The following DCDC2 variants were observed in gnomAD, a reference collection of about 807,000 sequenced individuals.
DCDC2 encodes doublecortin domain containing 2.
DCDC2 carries 40 observed loss-of-function variants against 50.2 expected under a neutral mutation model. The observed-to-expected ratio is 0.80, with a 90% CI of 0.62 to 1.04. DCDC2 has a LOEUF of 1.04. Ranked by LOEUF, DCDC2 falls within the 50% of genes least tolerant of loss-of-function variation. The pLI is 0.00. For missense variants in DCDC2, 570 were observed against 581.9 expected (o/e 0.98, Z 0.21); for synonymous variants, 234 against 210.6 (o/e 1.11, Z -0.96).
chr6:24,183,728 C>T (rs1231780086), intron 8 of DCDC2, among the ~76,000 whole-genome samples: 1 of 152,106 alleles, frequency 6.6e-6, no homozygotes. Context: ...CTGAGAGTTC[C>T]CGGCATTCGG....
chr6:24,245,274 G>A (rs1395231111), intron 7 of DCDC2, among the ~76,000 whole-genome samples: 2 of 152,130 alleles, frequency 1.3e-5, no homozygotes, highest in Non-Finnish European at 2.9e-5. Context: ...ACTTAGGTTC[G>A]AGCGGCTGGG....
intron 2 of DCDC2, among the ~76,000 whole-genome samples, chr6:24,313,833 C>G (rs1274491655): frequency 6.6e-6 from 1 of 152,184 alleles, no homozygotes; most frequent in Non-Finnish European, 1.5e-5. Context: ...AATGTGCTGG[C>G]TTTATGATCT....
At chr6:24,292,342 G>A (rs34932860) in intron 4 of DCDC2, among the ~76,000 whole-genome samples, 26,467 of 144,740 alleles carry the variant, frequency 0.18, 2,247 homozygotes, top group African/African-American at 0.21. Context: ...ATTTACAGAC[G>A]CAAAAAAAAA....
At chr6:24,339,797 G>A (rs957409127) in intron 2 of DCDC2, among the ~76,000 whole-genome samples, 2 of 152,176 alleles carry the variant, frequency 1.3e-5, no homozygotes, top group South Asian at 2.1e-4. Context: ...ATCTAACCAA[G>A]ATTGTCTATG....
chr6:24,334,014 T>C (rs1001885346), intron 2 of DCDC2, among the ~76,000 whole-genome samples: 19 of 152,184 alleles, frequency 1.2e-4, no homozygotes, highest in Admixed American at 7.9e-4. Flanking sequence ...AAGTCAGGTA[T>C]AGAGCAGGGA....
At chr6:24,327,855 A>G (rs1007053253) in intron 2 of DCDC2, among the ~76,000 whole-genome samples, 1 of 152,184 alleles carries the variant, frequency 6.6e-6, no homozygotes, top group Non-Finnish European at 1.5e-5. Context: ...AATTTCTAAA[A>G]GCCTCTCAAA....
chr6:24,236,361 G>T (rs1438169094), intron 7 of DCDC2, among the ~76,000 whole-genome samples: 1 of 152,092 alleles, frequency 6.6e-6, no homozygotes, highest in African/African-American at 2.4e-5. Flanking sequence ...CATGGTGCTG[G>T]GAAAGCTGGC....
chr6:24,342,378 T>A (rs571663201), intron 2 of DCDC2, among the ~76,000 whole-genome samples: 1 of 152,304 alleles, frequency 6.6e-6, no homozygotes, highest in Non-Finnish European at 1.5e-5. Context: ...ATGGAAGAAC[T>A]CTCTGAAACA....
chr6:24,375,694 T>C, the DCDC2 span, among the ~76,000 whole-genome samples: 1 of 152,204 alleles, frequency 6.6e-6, no homozygotes, highest in Non-Finnish European at 1.5e-5. Flanking sequence ...GTCATAGCAC[T>C]CATCACTCTA....
At chr6:24,373,429 A>T in the DCDC2 span, among the ~76,000 whole-genome samples, 1 of 152,268 alleles carries the variant, frequency 6.6e-6, no homozygotes, top group South Asian at 2.1e-4. Flanking sequence ...GCATGCGTCA[A>T]CATGGAAGAC....
At chr6:24,311,073 A>C (rs1759562903) in intron 2 of DCDC2, among the ~76,000 whole-genome samples, 1 of 152,132 alleles carries the variant, frequency 6.6e-6, no homozygotes, top group Non-Finnish European at 1.5e-5. Flanking sequence ...CAAACATGTG[A>C]TGTCTCTCTG....
chr6:24,311,668 T>C (rs948597723), intron 2 of DCDC2, among the ~76,000 whole-genome samples: 5 of 152,246 alleles, frequency 3.3e-5, no homozygotes, highest in African/African-American at 1.2e-4. Flanking sequence ...ATTACTCTAA[T>C]TGTATAGATG....
intron 8 of DCDC2, among the ~76,000 whole-genome samples, chr6:24,184,651 G>A (rs1000618856): frequency 6.6e-6 from 1 of 152,044 alleles, no homozygotes; most frequent in South Asian, 2.1e-4. Flanking sequence ...CTTTTGGTGT[G>A]ATCTAGGAAA....
intron 7 of DCDC2, among the ~76,000 whole-genome samples, chr6:24,260,288 T>C (rs567964125): frequency 4.2e-4 from 64 of 152,194 alleles, no homozygotes; most frequent in Admixed American, 1.1e-3. Flanking sequence ...ACCTCTCATC[T>C]CTAGGCTCTC....
rs544135762 is a variant in DCDC2 at position 24,253,327 on chromosome 6, C to A, written c.922+24722G>T. Among the ~76,000 whole-genome samples, 7 of 152,208 alleles carry A rather than the reference C, an allele frequency of 4.6e-5. No homozygotes were observed. The East Asian group carries it at 1.3e-3, about 29-fold the overall frequency. ...TTATTATAGATCCTACAGGCATTTT[C>A]TTTTAAAAGAAGATATAAGGAATAC... On this transcript the variant is annotated intron_variant, in intron 7 of 9. Transcript: ENST00000378454.
At chr6:24,377,772 G>A in the DCDC2 span, among the ~76,000 whole-genome samples, 1 of 152,224 alleles carries the variant, frequency 6.6e-6, no homozygotes, top group Non-Finnish European at 1.5e-5. Flanking sequence ...TGGATCACCT[G>A]AGGTCAGGAG....
At chr6:24,285,040 A>C (rs76295819) in intron 6 of DCDC2, among the ~76,000 whole-genome samples, 4,120 of 151,900 alleles carry the variant, frequency 0.027, 71 homozygotes, top group Non-Finnish European at 0.042. Context: ...CCTCCCCCCC[A>C]CACACACATA....
chr6:24,217,313 C>A (rs1456990522), intron 7 of DCDC2, among the ~76,000 whole-genome samples: 1 of 152,120 alleles, frequency 6.6e-6, no homozygotes, highest in Non-Finnish European at 1.5e-5. Flanking sequence ...TCAAAATGGA[C>A]TGGATATGTG....
chr6:24,381,958 A>AGG, the DCDC2 span, among the ~76,000 whole-genome samples: 799 of 137,512 alleles, frequency 5.8e-3, 5 homozygotes, highest in African/African-American at 0.014. Flanking sequence ...GAAGGAAAGA[A>AGG]AGAAGGAAGG....
Sources: allele counts gnomAD v4.1 joint callset (sites outside exome capture counted in the v4.1 genomes callset), GRCh38; gene constraint gnomAD v4.1.1; transcripts MANE v1.5; gene names NCBI Gene and HGNC (gene_info 2026-07-23, HGNC 2026-07-21).